The following DACH1 variants were observed in gnomAD, a reference collection of about 807,000 sequenced individuals.
DACH1 encodes dachshund family transcription factor 1, also known as dachshund homolog 1.
In DACH1, 12 loss-of-function variants were observed where a neutral mutation model predicts 54.2. That is an observed-to-expected ratio of 0.22 (90% CI 0.14 to 0.36). DACH1 has a LOEUF of 0.36. Ranked by LOEUF, DACH1 falls within the 10% of genes least tolerant of loss-of-function variation. The pLI, the probability that DACH1 is intolerant of heterozygous loss-of-function variation, is 1.00. For missense variants in DACH1, 805 were observed against 929.8 expected (o/e 0.87, Z 1.75); for synonymous variants, 386 against 366.2 (o/e 1.05, Z -0.62).
chr13:71,731,847 T>A (rs894668951), intron 1 of DACH1, among the ~76,000 whole-genome samples: 1 of 152,226 alleles, frequency 6.6e-6, no homozygotes, highest in Non-Finnish European at 1.5e-5. Context: ...AAGGATCCAA[T>A]GGAATAACTA....
chr13:71,816,379 A>C (rs1887921756), intron 1 of DACH1, among the ~76,000 whole-genome samples: 1 of 151,926 alleles, frequency 6.6e-6, no homozygotes, highest in Admixed American at 6.6e-5. Flanking sequence ...ATAAAAGAGA[A>C]GATATACCAT....
In DACH1 at chr13:71,707,213, GA is replaced by G. The variant is rs142182171; in HGVS notation, c.849-25304del. Among the ~76,000 whole-genome samples the G allele has an allele frequency of 7.6e-3, 1,156 of 152,326 alleles. 6 individuals are homozygous for G. The highest frequency in any genetic ancestry group is 0.011 in the Non-Finnish European group (773 of 68,026). ...TGCTGTGTAAATGCAACATAATAAA[GA>G]TGTGAACTACATGCTATGGGAGCAT... On this transcript the variant is annotated intron_variant, in intron 1 of 10. Coordinates refer to ENST00000613252, the MANE Select transcript of DACH1 (RefSeq NM_080759.6).
intron 6 of DACH1, among the ~76,000 whole-genome samples, chr13:71,511,504 G>T (rs1482870399): frequency 6.6e-6 from 1 of 151,720 alleles, no homozygotes; most frequent in Non-Finnish European, 1.5e-5. Context: ...ATAAAGATTT[G>T]TTTTATTTAC....
At chr13:71,607,382 T>C (rs1025521745) in intron 3 of DACH1, among the ~76,000 whole-genome samples, 2 of 152,050 alleles carry the variant, frequency 1.3e-5, no homozygotes, top group Non-Finnish European at 2.9e-5. Flanking sequence ...GACAGTTAGA[T>C]TGTACAGGTA....
intron 1 of DACH1, among the ~76,000 whole-genome samples, chr13:71,748,872 T>TTC (rs1389598571): frequency 4.6e-5 from 1 of 21,710 alleles, no homozygotes; most frequent in African/African-American, 9.5e-5. Context: ...CTTTCTTTCT[T>TTC]TCTTTCTTTC....
intron 1 of DACH1, among the ~76,000 whole-genome samples, chr13:71,839,923 TC>T: frequency 6.6e-6 from 1 of 152,144 alleles, no homozygotes; most frequent in East Asian, 1.9e-4. Flanking sequence ...CCTCCCTATA[TC>T]CCCACTAAAG....
At chr13:71,601,641 T>C (rs1874504204) in intron 3 of DACH1, among the ~76,000 whole-genome samples, 1 of 152,038 alleles carries the variant, frequency 6.6e-6, no homozygotes, top group African/African-American at 2.4e-5. Flanking sequence ...ACTTATACTT[T>C]GTTTTAAAGA....
At chr13:71,739,207 G>A (rs141084522) in intron 1 of DACH1, among the ~76,000 whole-genome samples, 44 of 152,080 alleles carry the variant, frequency 2.9e-4, no homozygotes, top group African/African-American at 8.2e-4. Flanking sequence ...AGCCGAGATC[G>A]CGCCATTGCA....
intron 1 of DACH1, among the ~76,000 whole-genome samples, chr13:71,734,998 GAC>G (rs1207705685): frequency 7.2e-6 from 1 of 138,548 alleles, no homozygotes; most frequent in African/African-American, 2.6e-5. Context: ...TATATATACA[GAC>G]ACAGGATATT....
At chr13:71,508,816 C>T (rs1250526077) in intron 6 of DACH1, among the ~76,000 whole-genome samples, 1 of 152,030 alleles carries the variant, frequency 6.6e-6, no homozygotes, top group East Asian at 1.9e-4. Context: ...AGTTTATCTA[C>T]ATGTCCTCAC....
At chr13:71,815,909 C>A (rs893593065) in intron 1 of DACH1, among the ~76,000 whole-genome samples, 4 of 151,764 alleles carry the variant, frequency 2.6e-5, no homozygotes, top group Non-Finnish European at 5.9e-5. Context: ...CACGGTGAAA[C>A]CCCGTCTCTA....
At chr13:71,854,271 T>C (rs1390489890) in intron 1 of DACH1, among the ~76,000 whole-genome samples, 1 of 152,032 alleles carries the variant, frequency 6.6e-6, no homozygotes, top group Non-Finnish European at 1.5e-5. Flanking sequence ...GTAAATTTCA[T>C]GGTAAAATGT....
At position 71,821,698 on chromosome 13, in the gene DACH1, T is replaced by G. The variant is rs181989731; in HGVS notation, c.848+44224A>C. ...TCATTTTTGCTCCTGTATGCCATCA[T>G]CATAAAGCATTTAAGATATCCACAG... On this transcript the variant is annotated intron_variant, in intron 1 of 10. Coordinates refer to ENST00000613252, the MANE Select transcript of DACH1 (RefSeq NM_080759.6). 5.0e-4 allele frequency among the ~76,000 whole-genome samples: 76 copies of G among 152,264 alleles called. 2 individuals are homozygous for G. In the East Asian group the frequency reaches 0.013, roughly 27 times the overall value.
intron 3 of DACH1, among the ~76,000 whole-genome samples, chr13:71,621,901 T>C (rs1566385004): frequency 6.6e-6 from 1 of 152,042 alleles, no homozygotes; most frequent in Non-Finnish European, 1.5e-5. Context: ...ATCAAACTGG[T>C]AATTCTCTCA....
At chr13:71,629,256 G>T (rs1876894272) in intron 3 of DACH1, among the ~76,000 whole-genome samples, 1 of 151,988 alleles carries the variant, frequency 6.6e-6, no homozygotes, top group Non-Finnish European at 1.5e-5. Context: ...ACAAACATGA[G>T]CACAGATATT....
chr13:71,853,415 T>C (rs1253931299), intron 1 of DACH1, among the ~76,000 whole-genome samples: 1 of 152,202 alleles, frequency 6.6e-6, no homozygotes, highest in African/African-American at 2.4e-5. Flanking sequence ...TGAGTGATCT[T>C]TTATTAATGT....
intron 10 of DACH1, among the ~76,000 whole-genome samples, chr13:71,447,921 G>A (rs1874617892): frequency 6.6e-6 from 1 of 152,052 alleles, no homozygotes; most frequent in Non-Finnish European, 1.5e-5. Flanking sequence ...TTTGTTCACT[G>A]TGAAAGTCAT....
chr13:71,671,864 T>G (rs1038118401), intron 2 of DACH1, among the ~76,000 whole-genome samples: 2 of 152,108 alleles, frequency 1.3e-5, no homozygotes, highest in Non-Finnish European at 2.9e-5. Flanking sequence ...CAAGGCTCTT[T>G]CTTACGGAAG....
rs199996704 is a variant in DACH1, at chr13:71,506,586, CCG to C, written c.1571-17440_1571-17439del. Among the ~76,000 whole-genome samples, 1,305 of 152,026 alleles carry C rather than the reference CCG, an allele frequency of 8.6e-3. 18 individuals carry two copies. Among genetic ancestry groups the C allele is most frequent in the African/African-American group, 0.029 (1,199 of 41,464 alleles). On this transcript the variant is annotated intron_variant, in intron 6 of 10. Coordinates refer to ENST00000613252, the MANE Select transcript of DACH1 (RefSeq NM_080759.6). ...AGTTCATATGGAACCAAAAAAGAGC[CCG>C]CATCGCCAAGTCAATCCTAAGCCAA...
Sources: allele counts gnomAD v4.1 joint callset (sites outside exome capture counted in the v4.1 genomes callset), GRCh38; gene constraint gnomAD v4.1.1; transcripts MANE v1.5; gene names NCBI Gene and HGNC (gene_info 2026-07-23, HGNC 2026-07-21).